The following DYNC1I1 variants were observed in gnomAD, a reference collection of about 807,000 sequenced individuals.
DYNC1I1 encodes cytoplasmic dynein 1 intermediate chain 1.
In DYNC1I1, 43 loss-of-function variants were observed where a neutral mutation model predicts 86.6. The observed-to-expected ratio is 0.50, with a 90% CI of 0.39 to 0.64. The LOEUF (loss-of-function observed/expected upper bound fraction) is 0.64, where lower values mean the gene tolerates loss of function less well. Among genes scored for constraint, DYNC1I1 ranks in the 30% least tolerant of loss-of-function variants. The pLI, the probability that DYNC1I1 is intolerant of heterozygous loss-of-function variation, is 0.00. For missense variants in DYNC1I1, 604 were observed against 788.8 expected, an observed-to-expected ratio of 0.77 and a Z score of 2.81; for synonymous variants, 262 against 283.7, an observed-to-expected ratio of 0.92 and a Z score of 0.77.
intron 16 of DYNC1I1, among the ~76,000 whole-genome samples, chr7:96,095,406 ATAGGT>A (rs1790973008): frequency 6.6e-6 from 1 of 152,150 alleles, no homozygotes; most frequent in Non-Finnish European, 1.5e-5. Flanking sequence ...AACATATTGC[ATAGGT>A]CATCATGTAT....
intron 9 of DYNC1I1, among the ~76,000 whole-genome samples, chr7:95,988,798 A>G (rs577433487): frequency 1.3e-5 from 2 of 152,320 alleles, no homozygotes; most frequent in East Asian, 1.9e-4. Flanking sequence ...ACAAAGCACC[A>G]TGATAGCTGC....
intron 6 of DYNC1I1, among the ~76,000 whole-genome samples, chr7:95,933,678 A>G (rs1299729514): frequency 1.3e-5 from 2 of 152,188 alleles, no homozygotes; most frequent in African/African-American, 2.4e-5. Context: ...TGCAGAGGTG[A>G]CATGACACTG....
At chr7:95,891,009 G>T (rs937349882) in intron 6 of DYNC1I1, among the ~76,000 whole-genome samples, 3 of 152,212 alleles carry the variant, frequency 2.0e-5, no homozygotes. Flanking sequence ...TGTGTTTAAA[G>T]ATAGGGTCCT....
chr7:95,949,814 C>T (rs1280739602), intron 6 of DYNC1I1, among the ~76,000 whole-genome samples: 3 of 152,142 alleles, frequency 2.0e-5, no homozygotes, highest in Admixed American at 6.6e-5. Context: ...TAAAAAGCAA[C>T]ATCCATCATA....
chr7:95,919,996 T>C (rs1791568814), intron 6 of DYNC1I1, among the ~76,000 whole-genome samples: 1 of 152,198 alleles, frequency 6.6e-6, no homozygotes, highest in South Asian at 2.1e-4. Flanking sequence ...AGATAATTTA[T>C]GTAAATTTTG....
intron 6 of DYNC1I1, among the ~76,000 whole-genome samples, chr7:95,910,843 C>T (rs1791315029): frequency 1.3e-5 from 2 of 152,190 alleles, no homozygotes; most frequent in Admixed American, 1.3e-4. Context: ...ATACATGTAG[C>T]TCACAGTTGC....
rs551477500 is a variant in DYNC1I1 at position 95,900,022 on chromosome 7, G to A, written c.490+30024G>A. Among the ~76,000 whole-genome samples, 7 of 152,178 alleles carry A rather than the reference G, an allele frequency of 4.6e-5. No individual in the cohort carries two copies. In the South Asian group the frequency reaches 1.2e-3, roughly 27 times the overall value. ...TATGCAAGGAGGTATCTGTTCCATGGGACACATGAGTTTGCCCTGACGATG... is the reference window on the plus strand; with the variant it reads ...TATGCAAGGAGGTATCTGTTCCATGAGACACATGAGTTTGCCCTGACGATG... On this transcript the variant is annotated intron_variant, in intron 6 of 16. Coordinates refer to ENST00000447467, the MANE Select transcript of DYNC1I1 (RefSeq NM_001135556.2).
chr7:95,891,359 C>T (rs763761115), intron 6 of DYNC1I1, among the ~76,000 whole-genome samples: 12 of 152,158 alleles, frequency 7.9e-5, no homozygotes, highest in Non-Finnish European at 8.8e-5. Context: ...ATGTATTCAA[C>T]GGTTTTGCGT....
intron 6 of DYNC1I1, among the ~76,000 whole-genome samples, chr7:95,871,652 A>G (rs182389773): frequency 2.6e-5 from 4 of 152,216 alleles, no homozygotes; most frequent in African/African-American, 2.4e-5. Context: ...TGGTAAAGAA[A>G]TATTTACAAG....
At chr7:96,084,158 G>T (rs1790605121) in intron 16 of DYNC1I1, among the ~76,000 whole-genome samples, 2 of 151,844 alleles carry the variant, frequency 1.3e-5, no homozygotes, top group South Asian at 4.2e-4. Flanking sequence ...AATTGCATAG[G>T]GCACCGTGCT....
intron 15 of DYNC1I1, among the ~76,000 whole-genome samples, chr7:96,077,269 G>T (rs570307556): frequency 6.6e-6 from 1 of 151,840 alleles, no homozygotes; most frequent in African/African-American, 2.4e-5. Context: ...GTGTGTGTGT[G>T]TGTGTGTGGG....
At chr7:95,877,247 T>A (rs1790334559) in intron 6 of DYNC1I1, among the ~76,000 whole-genome samples, 1 of 152,190 alleles carries the variant, frequency 6.6e-6, no homozygotes, top group Non-Finnish European at 1.5e-5. Context: ...GACTCCCTTT[T>A]TTCAGCCCAA....
intron 5 of DYNC1I1, among the ~76,000 whole-genome samples, chr7:95,852,498 C>T (rs923954416): frequency 6.6e-6 from 1 of 151,688 alleles, no homozygotes; most frequent in Non-Finnish European, 1.5e-5. Context: ...TTTTTCTTCT[C>T]TAATTTATTT....
chr7:95,988,961 A>T (rs1793662882), intron 9 of DYNC1I1, among the ~76,000 whole-genome samples: 1 of 152,158 alleles, frequency 6.6e-6, no homozygotes, highest in Non-Finnish European at 1.5e-5. Flanking sequence ...GGGGATTTAT[A>T]CCAAAGTATT....
chr7:96,015,544 C>T (rs1318728701), intron 10 of DYNC1I1, among the ~76,000 whole-genome samples: 1 of 152,112 alleles, frequency 6.6e-6, no homozygotes, highest in East Asian at 1.9e-4. Context: ...TTTTTATTCA[C>T]ATATTTTTCT....
At chr7:95,772,978 C>T (rs1793743507) in intron 1 of DYNC1I1, among the ~76,000 whole-genome samples, 1 of 152,176 alleles carries the variant, frequency 6.6e-6, no homozygotes, top group Non-Finnish European at 1.5e-5. Context: ...CCAGTGACAC[C>T]CCCCTCTCGG....
chr7:96,058,045 C>T (rs1270243277), intron 14 of DYNC1I1, among the ~76,000 whole-genome samples: 1 of 152,082 alleles, frequency 6.6e-6, no homozygotes, highest in Admixed American at 6.6e-5. Context: ...TTGATCTTTC[C>T]TCTTCTGTCC....
intron 5 of DYNC1I1, 72 bp downstream of exon 5, chr7:95,828,188 T>G: frequency 6.5e-7 from 1 of 1,546,416 alleles, no homozygotes; most frequent in Non-Finnish European, 8.9e-7. Context: ...CTGGAGCTGT[T>G]GTTGCTCTTG....
chr7:96,089,446 A>C (rs1790775352), intron 16 of DYNC1I1, among the ~76,000 whole-genome samples: 1 of 152,146 alleles, frequency 6.6e-6, no homozygotes, highest in Non-Finnish European at 1.5e-5. Context: ...AGCATTCAGG[A>C]TGTAGCCTCC....
Sources: allele counts gnomAD v4.1 joint callset (sites outside exome capture counted in the v4.1 genomes callset), GRCh38; gene constraint gnomAD v4.1.1; transcripts MANE v1.5; gene names NCBI Gene and HGNC (gene_info 2026-07-23, HGNC 2026-07-21).